Variants in B9D1 observed in about 807,000 individuals in gnomAD.
B9D1 encodes the protein B9 domain-containing protein 1.
Under a neutral mutation model 26.1 loss-of-function variants are expected in B9D1, and 20 were observed. The ratio of observed to expected loss-of-function variants is 0.77; its 90% confidence interval spans 0.54 to 1.12. The LOEUF is 1.12. Among genes scored for constraint, B9D1 ranks in the 50% most tolerant of loss-of-function variants. B9D1 has a pLI of 0.00. For synonymous variants in B9D1, 105 were observed against 103.1 expected (o/e 1.02, Z -0.11); for missense variants, 260 against 273.7 (o/e 0.95, Z 0.35).
In B9D1 at chr17:19,344,092, C is replaced by T. The variant is rs557409082; in HGVS notation, c.405-235G>A. Among the ~76,000 whole-genome samples, 29 of 152,374 alleles carry T rather than the reference C, an allele frequency of 1.9e-4. No individual in the cohort carries two copies. The South Asian group carries it at 2.1e-3, about 11-fold the overall frequency. ...CCAGGCCTCATGTGCTCTGCAGCCA[C>T]GCTGCCTCCGCTGGCCGGTTAGGCT... On this transcript the variant is annotated intron_variant, in intron 5 of 6. Coordinates refer to ENST00000261499, the MANE Select transcript of B9D1 (RefSeq NM_015681.6).
At chr17:19,337,460 C>A (rs1598034384), downstream of B9D1, 5 of 440,008 alleles carry the variant, frequency 1.1e-5, no homozygotes, top group Admixed American at 1.3e-4. Flanking sequence ...TGCCCTGCAG[C>A]CCTCTGCTCT....
At chr17:19,338,352 C>T (rs1392363971), downstream of B9D1, among the ~76,000 whole-genome samples, 1 of 152,222 alleles carries the variant, frequency 6.6e-6, no homozygotes, top group African/African-American at 2.4e-5. Context: ...AGCTTTCTCA[C>T]CTGCTGCCTG....
Position 19,347,100 on chromosome 17 carries a change from AGGGAGCC to A in B9D1, c.404+162_404+168del, listed in dbSNP as rs1476428621. The A allele has an allele frequency of 4.5e-6, 7 of 1,565,304 alleles. No homozygotes were observed. Among genetic ancestry groups the A allele is most frequent in the African/African-American group, 1.4e-5 (1 of 73,728 alleles). ...CCTTCTGCTGCTGGAACAGGGCTGA[AGGGAGCC>A]CCGTGACTCAGCACTCCCAGGGGAC... On this transcript the variant is annotated intron_variant, in intron 5 of 6. Transcript: ENST00000261499. The surrounding 1 kb of genome is among the most constrained non-coding windows in gnomAD (Gnocchi z 4.3).
intron 3 of B9D1, among the ~76,000 whole-genome samples, chr17:19,356,080 T>C (rs1421881570): frequency 6.6e-6 from 1 of 152,134 alleles, no homozygotes; most frequent in Non-Finnish European, 1.5e-5. Context: ...GATGTTATCT[T>C]TCTCCAAAGA....
downstream of B9D1, chr17:19,335,282 G>A (rs1223435984): frequency 4.1e-6 from 4 of 964,110 alleles, no homozygotes; most frequent in South Asian, 6.3e-5. Context: ...AGCCTTTTTG[G>A]CTAGATCCTG....
chr17:19,360,991 C>T lies in B9D1; in HGVS notation c.64-603G>A, dbSNP rs568187083. Among the ~76,000 whole-genome samples the T allele has an allele frequency of 2.0e-5, 3 of 152,298 alleles. No homozygotes were observed. In the East Asian group the frequency reaches 5.8e-4, roughly 29 times the overall value. Reference sequence around the variant, plus strand: ...AGCTGCTCCCCATTGCTCGCATGACCACGGGAGCTCCACCTCCTTGTCAGA... The same window carrying T: ...AGCTGCTCCCCATTGCTCGCATGACTACGGGAGCTCCACCTCCTTGTCAGA... On this transcript the variant is annotated intron_variant, in intron 1 of 6. Transcript: ENST00000261499.
chr17:19,360,482 G>A, intron 1 of B9D1, 94 bp from the exon 2 acceptor site: 1 of 1,108,662 alleles, frequency 9.0e-7, no homozygotes, highest in East Asian at 2.4e-5. Context: ...TTCTGAACGT[G>A]AGACACCTGG....
chr17:19,361,720 TCA>T (rs1477014714), intron 1 of B9D1, among the ~76,000 whole-genome samples: 1 of 152,140 alleles, frequency 6.6e-6, no homozygotes, highest in Admixed American at 6.5e-5. Context: ...CCAAACCGTC[TCA>T]GTCAATCCTC....
At chr17:19,338,288 G>C (rs1037428379), downstream of B9D1, among the ~76,000 whole-genome samples, 2 of 152,212 alleles carry the variant, frequency 1.3e-5, no homozygotes, top group African/African-American at 4.8e-5. Context: ...CTGCCCCCTG[G>C]TGGGGAGCTG....
chr17:19,347,690 A>C lies in B9D1; in HGVS notation c.341+94T>G. 7.8e-7 allele frequency: 1 copy of C among 1,287,402 alleles called. No homozygotes were observed. The highest frequency in any genetic ancestry group is 1.1e-6 in the Non-Finnish European group (1 of 906,122). The allele number at this position is 1,287,402 out of a possible 1,614,324, so 79.7% of individuals were successfully genotyped here. A position where few individuals can be genotyped will look rare whatever the true frequency, so the allele number is the denominator to read the frequency against. On this transcript the variant is annotated intron_variant, in intron 4 of 6. Transcript: ENST00000261499. This position sits in a 1 kb window ranked among gnomAD's most constrained non-coding sequence, Gnocchi z 4.3. ...AGCTGCCCAGGCCCCTGGAGACCCC[A>C]GAGCATTCCCAGCCTGAACCTAAGA...
intron 3 of B9D1, among the ~76,000 whole-genome samples, chr17:19,355,365 T>C (rs1910186041): frequency 6.6e-6 from 1 of 151,976 alleles, no homozygotes; most frequent in South Asian, 2.1e-4. Context: ...CTGTATCTAC[T>C]AAAAATACAA....
At chr17:19,360,247 G>A in intron 2 of B9D1, 73 bp downstream of exon 2, 1 of 1,364,702 alleles carries the variant, frequency 7.3e-7, no homozygotes, top group Non-Finnish European at 1.0e-6. Flanking sequence ...GAATGGGGAG[G>A]GGAAGGATAT....
upstream of B9D1, among the ~76,000 whole-genome samples, chr17:19,366,769 C>G (rs116913981): frequency 5.8e-4 from 89 of 152,352 alleles, 1 homozygote; most frequent in East Asian, 0.015. Flanking sequence ...TGCAGGCACT[C>G]GGCTGAATTT....
chr17:19,358,526 A>C (rs542988843), intron 2 of B9D1, among the ~76,000 whole-genome samples: 2 of 152,332 alleles, frequency 1.3e-5, no homozygotes, highest in Non-Finnish European at 2.9e-5. Flanking sequence ...AATGCCCGTG[A>C]CCAACATTGC....
At chr17:19,368,533 A>G (rs1911713427) in intron 1 of B9D1, among the ~76,000 whole-genome samples, 1 of 152,172 alleles carries the variant, frequency 6.6e-6, no homozygotes, top group Non-Finnish European at 1.5e-5. Flanking sequence ...GGGCTCAGTA[A>G]ATGTCAGCAA....
rs935123325 is a variant in B9D1, at chr17:19,348,028, TG to T, written c.245-149del. 56 of 728,056 alleles carry T rather than the reference TG, an allele frequency of 7.7e-5. No individual in the cohort carries two copies. In the African/African-American group the frequency reaches 8.7e-4, roughly 11 times the overall value. 45.1% of individuals were successfully genotyped at this position (728,056 alleles called of 1,614,324 possible). On this transcript the variant is annotated intron_variant, in intron 3 of 6. Transcript: ENST00000261499. ...GCTTGAGAGGGGACAGGAGCAGGCA[TG>T]GGAACCCAGACTGTGCCAAAGACTT...
At chr17:19,358,939 G>A (rs1013979782) in intron 2 of B9D1, among the ~76,000 whole-genome samples, 2 of 152,190 alleles carry the variant, frequency 1.3e-5, no homozygotes, top group Non-Finnish European at 2.9e-5. Flanking sequence ...CTCACTGAAA[G>A]GCAGCTGCCT....
At chr17:19,367,352 C>T (rs534466633), upstream of B9D1, among the ~76,000 whole-genome samples, 10 of 142,246 alleles carry the variant, frequency 7.0e-5, no homozygotes, top group East Asian at 2.2e-3. Flanking sequence ...GCTCTTGTTG[C>T]CCAGGCTGGA....
intron 1 of B9D1, among the ~76,000 whole-genome samples, chr17:19,371,007 T>G (rs764933758): frequency 1.3e-5 from 2 of 152,224 alleles, no homozygotes; most frequent in African/African-American, 2.4e-5. Context: ...CCTTCGCCTC[T>G]CTGGGTGAAC....
Sources: allele counts gnomAD v4.1 joint callset (sites outside exome capture counted in the v4.1 genomes callset), GRCh38; gene constraint gnomAD v4.1.1; non-coding constraint Gnocchi (gnomAD v3.1); transcripts MANE v1.5; gene names NCBI Gene and HGNC (gene_info 2026-07-23, HGNC 2026-07-21).